Variants in OLFM3 observed in about 807,000 individuals in gnomAD.
OLFM3 encodes olfactomedin 3.
Under a neutral mutation model 48.6 loss-of-function variants are expected in OLFM3, and 20 were observed. That is an observed-to-expected ratio of 0.41 (90% CI 0.29 to 0.60). OLFM3 has a LOEUF of 0.60. OLFM3 is among the 20% of genes least tolerant of loss of function. The probability of loss-of-function intolerance (pLI) is 0.28; values close to 1 mark genes in which losing one functional copy is unlikely to be tolerated. For synonymous variants in OLFM3, 222 were observed against 198.1 expected (o/e 1.12, Z -1.01); for missense variants, 437 against 544.3 (o/e 0.80, Z 1.96).
chr1:101,826,861 C>G (rs908365293), intron 3 of OLFM3, among the ~76,000 whole-genome samples: 2 of 152,168 alleles, frequency 1.3e-5, no homozygotes, highest in African/African-American at 4.8e-5. Flanking sequence ...ACAACTGTTA[C>G]AATCAAAGGT....
chr1:101,861,311 C>T (rs1363376098), intron 1 of OLFM3, among the ~76,000 whole-genome samples: 2 of 150,552 alleles, frequency 1.3e-5, no homozygotes, highest in African/African-American at 2.5e-5. Context: ...ATTTGGCCGC[C>T]CCGGCCTCCC....
intron 2 of OLFM3, among the ~76,000 whole-genome samples, chr1:101,832,043 C>T (rs1655177987): frequency 6.6e-6 from 1 of 152,160 alleles, no homozygotes; most frequent in Non-Finnish European, 1.5e-5. Context: ...GCTGGGATTA[C>T]AGGTGCACGC....
rs887649916 is a variant in OLFM3 at position 101,950,278 on chromosome 1, T to G, written c.69+46470A>C. ...ATCCTGGAACACCCATCCTCTTGCT[T>G]TCTTCACATTTCTGCTCAAATGTCA... On this transcript the variant is annotated intron_variant, in intron 1 of 5. Transcript: ENST00000370103. 3.9e-5 allele frequency among the ~76,000 whole-genome samples: 6 copies of G among 152,274 alleles called. No homozygotes were observed. The East Asian group carries it at 1.2e-3, about 29-fold the overall frequency.
intron 1 of OLFM3, among the ~76,000 whole-genome samples, chr1:101,973,148 G>A (rs1217119828): frequency 1.3e-5 from 2 of 152,226 alleles, no homozygotes; most frequent in African/African-American, 4.8e-5. Context: ...ATGGGAACTG[G>A]CTCATATAAT....
intron 1 of OLFM3, among the ~76,000 whole-genome samples, chr1:101,913,368 A>G (rs1442246033): frequency 2.0e-5 from 3 of 152,174 alleles, no homozygotes; most frequent in Non-Finnish European, 2.9e-5. Flanking sequence ...ATGTTATAAG[A>G]AACATTGCAC....
At chr1:101,947,277 G>A (rs1332038602) in intron 1 of OLFM3, among the ~76,000 whole-genome samples, 1 of 152,070 alleles carries the variant, frequency 6.6e-6, no homozygotes, top group Admixed American at 6.5e-5. Flanking sequence ...ATTTTACCAG[G>A]AGAAAATCAA....
intron 1 of OLFM3, among the ~76,000 whole-genome samples, chr1:101,850,294 TG>T (rs1656172739): frequency 6.6e-6 from 1 of 152,160 alleles, no homozygotes; most frequent in Admixed American, 6.5e-5. Flanking sequence ...GCTCATGGAA[TG>T]CTGAAAGCTA....
intron 1 of OLFM3, among the ~76,000 whole-genome samples, chr1:101,854,187 G>T (rs1253187322): frequency 1.3e-5 from 2 of 151,928 alleles, no homozygotes; most frequent in African/African-American, 4.8e-5. Flanking sequence ...GTTTAGAGAA[G>T]ATAGAGATCT....
In OLFM3 at chr1:101,970,656, G is replaced by C. The variant is rs565302602; in HGVS notation, c.69+26092C>G. 1.2e-4 allele frequency among the ~76,000 whole-genome samples: 18 copies of C among 152,224 alleles called. No homozygotes were observed. In the South Asian group the frequency reaches 2.1e-3, roughly 18 times the overall value. The stretch of plus-strand genomic sequence containing the variant: ...TCTTTTAGATCCTCACCTTCTACTG[G>C]GGAGACAAACACAAACATAGTTAGG... On this transcript the variant is annotated intron_variant, in intron 1 of 5. Transcript: ENST00000370103.
chr1:101,854,834 T>G (rs1656354197), intron 1 of OLFM3, among the ~76,000 whole-genome samples: 1 of 152,014 alleles, frequency 6.6e-6, no homozygotes, highest in African/African-American at 2.4e-5. Flanking sequence ...AGAGCTGTGG[T>G]GTTCTCATGT....
chr1:101,868,780 T>C (rs1435871472), intron 1 of OLFM3, among the ~76,000 whole-genome samples: 2 of 152,210 alleles, frequency 1.3e-5, no homozygotes, highest in Non-Finnish European at 2.9e-5. Context: ...TCCCCTTCTG[T>C]ATGCAGCCTT....
intron 2 of OLFM3, among the ~76,000 whole-genome samples, chr1:101,833,319 A>G (rs1462872173): frequency 6.6e-6 from 1 of 152,210 alleles, no homozygotes; most frequent in African/African-American, 2.4e-5. Flanking sequence ...CTAGAGCTAG[A>G]GCTGTCTAAT....
intron 1 of OLFM3, among the ~76,000 whole-genome samples, chr1:101,886,605 G>A (rs1657771747): frequency 6.6e-6 from 1 of 152,068 alleles, no homozygotes; most frequent in Non-Finnish European, 1.5e-5. Flanking sequence ...TAGAACATCA[G>A]ACACGTGAGT....
At chr1:101,875,043 C>A (rs1408798110) in intron 1 of OLFM3, among the ~76,000 whole-genome samples, 4 of 151,930 alleles carry the variant, frequency 2.6e-5, no homozygotes, top group South Asian at 2.1e-4. Context: ...TTTCTGACCT[C>A]ATAGTCCTGG....
intron 1 of OLFM3, among the ~76,000 whole-genome samples, chr1:101,888,003 GA>G (rs1657835286): frequency 6.6e-6 from 1 of 152,006 alleles, no homozygotes; most frequent in African/African-American, 2.4e-5. Flanking sequence ...TATTGACTTG[GA>G]AAAATACTTA....
At chr1:101,956,039 A>G (rs888011060) in intron 1 of OLFM3, among the ~76,000 whole-genome samples, 1 of 146,576 alleles carries the variant, frequency 6.8e-6, no homozygotes. Context: ...GTTTTACTTT[A>G]TGATTTTTTC....
intron 1 of OLFM3, among the ~76,000 whole-genome samples, chr1:101,864,285 C>T (rs1024086428): frequency 3.3e-5 from 5 of 152,010 alleles, no homozygotes; most frequent in African/African-American, 1.2e-4. Context: ...GCTGCAGTTA[C>T]GTAGTCCTTT....
intron 1 of OLFM3, among the ~76,000 whole-genome samples, chr1:101,846,066 T>A (rs1655978640): frequency 6.6e-6 from 1 of 152,194 alleles, no homozygotes; most frequent in Admixed American, 6.5e-5. Flanking sequence ...AAATTTCTAT[T>A]TCAAAAAACA....
At chr1:101,823,312 T>G (rs2100894809) in intron 4 of OLFM3, among the ~76,000 whole-genome samples, 1 of 152,172 alleles carries the variant, frequency 6.6e-6, no homozygotes, top group East Asian at 1.9e-4. Context: ...CAGCTTAGTC[T>G]GGGAGGGCAA....
Sources: allele counts gnomAD v4.1 joint callset (sites outside exome capture counted in the v4.1 genomes callset), GRCh38; gene constraint gnomAD v4.1.1; transcripts MANE v1.5; gene names NCBI Gene and HGNC (gene_info 2026-07-23, HGNC 2026-07-21).